Variants in FAT3 observed in about 807,000 individuals in gnomAD.
FAT3 encodes FAT atypical cadherin 3, also known as protocadherin Fat 3.
In FAT3, 95 loss-of-function variants were observed where a neutral mutation model predicts 310.2. The observed-to-expected ratio is 0.31, with a 90% CI of 0.26 to 0.36. The LOEUF (loss-of-function observed/expected upper bound fraction) is 0.36, where lower values mean the gene tolerates loss of function less well. Ranked by LOEUF, FAT3 falls within the 10% of genes least tolerant of loss-of-function variation. The pLI, the probability that FAT3 is intolerant of heterozygous loss-of-function variation, is 1.00. For synonymous variants in FAT3, 2,314 were observed against 2,192.9 expected, an observed-to-expected ratio of 1.06 and a Z score of -1.54; for missense variants, 5,408 against 5,715.6, an observed-to-expected ratio of 0.95 and a Z score of 1.74.
chr11:92,871,556 C>G (rs950116610), intron 22 of FAT3, among the ~76,000 whole-genome samples: 3 of 152,268 alleles, frequency 2.0e-5, no homozygotes, highest in African/African-American at 7.2e-5. Flanking sequence ...TAAGATGCAT[C>G]AGCATCACCT....
chr11:92,443,446 C>G (rs1474299833), intron 2 of FAT3, among the ~76,000 whole-genome samples: 1 of 152,160 alleles, frequency 6.6e-6, no homozygotes, highest in Non-Finnish European at 1.5e-5. Context: ...TGTTCAGGTT[C>G]TCCTGGATTC....
intron 24 of FAT3, among the ~76,000 whole-genome samples, chr11:92,884,782 G>A (rs971714058): frequency 6.6e-6 from 1 of 152,190 alleles, no homozygotes; most frequent in Non-Finnish European, 1.5e-5. Context: ...TTGTTCAGGT[G>A]AGAGGTCAAG....
At chr11:92,518,546 G>A (rs901266300) in intron 2 of FAT3, among the ~76,000 whole-genome samples, 2 of 151,966 alleles carry the variant, frequency 1.3e-5, no homozygotes, top group African/African-American at 4.8e-5. Flanking sequence ...AGCATTAGGT[G>A]AAATACCTAA....
intron 1 of FAT3, among the ~76,000 whole-genome samples, chr11:92,291,104 CACACACACACACAT>C (rs1356422092): frequency 6.6e-6 from 1 of 151,706 alleles, no homozygotes; most frequent in Non-Finnish European, 1.5e-5. Context: ...CACACACACA[CACACACACACACAT>C]GCACGCGCGC....
intron 6 of FAT3, among the ~76,000 whole-genome samples, chr11:92,772,511 C>T (rs1288291194): frequency 6.6e-6 from 1 of 152,028 alleles, no homozygotes; most frequent in African/African-American, 2.4e-5. Context: ...CTAGACTCCC[C>T]CCTCTCTCCT....
rs184893670 is a variant in FAT3 at position 92,618,156 on chromosome 11, G to A, written c.3608-79228G>A. Among the ~76,000 whole-genome samples the A allele has an allele frequency of 8.5e-5, 13 of 152,302 alleles. No individual in the cohort carries two copies. The East Asian group carries it at 2.5e-3, about 29-fold the overall frequency. On this transcript the variant is annotated intron_variant, in intron 3 of 27. Transcript: ENST00000525166. ...CCAGTTCGAGCTTCCCAGCCACTTT[G>A]TTTACCTACTCAAGCCTCAGCAATG...
intron 1 of FAT3, among the ~76,000 whole-genome samples, chr11:92,249,622 T>C (rs1319228762): frequency 2.0e-5 from 3 of 152,120 alleles, no homozygotes; most frequent in South Asian, 2.1e-4. Flanking sequence ...GAAAGACTGA[T>C]ACTCGTATCA....
In FAT3 at chr11:92,836,455, C is replaced by G. The variant is rs562143821; in HGVS notation, c.10087-111C>G. On this transcript the variant is annotated intron_variant, in intron 15 of 27. Transcript: ENST00000525166. ...GTCACTAACATTAGAGAGCAGAGCT[C>G]CCGAGAAAACTGTCACAGCTGCACC... The G allele has an allele frequency of 4.8e-6, 6 of 1,257,696 alleles. No homozygotes were observed. In the South Asian group the frequency reaches 1.0e-4, roughly 21 times the overall value. 77.9% of individuals were successfully genotyped at this position (1,257,696 alleles called of 1,614,324 possible). A position where few individuals can be genotyped will look rare whatever the true frequency, so the allele number is the denominator to read the frequency against.
At chr11:92,860,594 C>CCTTTTCTCA (rs1447717670) in intron 21 of FAT3, among the ~76,000 whole-genome samples, 125 of 152,206 alleles carry the variant, frequency 8.2e-4, no homozygotes, top group Non-Finnish European at 1.5e-3. Context: ...GCCTTTTCAC[C>CCTTTTCTCA]TGGAAATGGC....
intron 6 of FAT3, among the ~76,000 whole-genome samples, chr11:92,769,361 C>T (rs1314682178): frequency 6.6e-6 from 1 of 152,208 alleles, no homozygotes; most frequent in Non-Finnish European, 1.5e-5. Flanking sequence ...GTGAAGGGAA[C>T]ACAAATAACC....
At chr11:92,877,755 T>C (rs1236932045) in intron 22 of FAT3, among the ~76,000 whole-genome samples, 1 of 152,182 alleles carries the variant, frequency 6.6e-6, no homozygotes, top group Non-Finnish European at 1.5e-5. Context: ...AAAGAAATCA[T>C]CTCATTTGGA....
chr11:92,388,289 A>C (rs1949673376), intron 2 of FAT3, among the ~76,000 whole-genome samples: 1 of 151,442 alleles, frequency 6.6e-6, no homozygotes, highest in African/African-American at 2.4e-5. Context: ...CCTTTCCCTC[A>C]CTCCCTTACA....
At chr11:92,398,303 C>T (rs1455859653) in intron 2 of FAT3, among the ~76,000 whole-genome samples, 1 of 151,924 alleles carries the variant, frequency 6.6e-6, no homozygotes, top group African/African-American at 2.4e-5. Context: ...GAGTTCAAGA[C>T]CAGCCTGGCC....
chr11:92,594,632 CAG>C (rs556138426), intron 3 of FAT3, among the ~76,000 whole-genome samples: 69 of 152,214 alleles, frequency 4.5e-4, no homozygotes, highest in Middle Eastern at 6.8e-3. Context: ...GTGCTGGATA[CAG>C]GGGATACAAT....
At chr11:92,598,182 A>C (rs1045835618) in intron 3 of FAT3, among the ~76,000 whole-genome samples, 1 of 148,706 alleles carries the variant, frequency 6.7e-6, no homozygotes, top group Admixed American at 6.7e-5. Context: ...GATTTTAAAA[A>C]TTTATTTTCA....
intron 5 of FAT3, among the ~76,000 whole-genome samples, 188 bp downstream of exon 5, chr11:92,762,358 G>A (rs3912653): frequency 0.31 from 47,331 of 151,992 alleles, 7,657 homozygotes; most frequent in Non-Finnish European, 0.33. Context: ...CTTAAATGAC[G>A]AGACAATTTC....
chr11:92,588,849 C>T (rs1331571561), intron 3 of FAT3, among the ~76,000 whole-genome samples: 1 of 151,570 alleles, frequency 6.6e-6, no homozygotes, highest in Non-Finnish European at 1.5e-5. Context: ...AGCCTCCCTC[C>T]AACAGTTTGG....
At chr11:92,661,382 T>C (rs1312346763) in intron 3 of FAT3, among the ~76,000 whole-genome samples, 1 of 152,210 alleles carries the variant, frequency 6.6e-6, no homozygotes, top group East Asian at 1.9e-4. Flanking sequence ...ATGATATATC[T>C]AGAACTGCCC....
At chr11:92,642,644 C>T (rs1483412985) in intron 3 of FAT3, among the ~76,000 whole-genome samples, 3 of 152,200 alleles carry the variant, frequency 2.0e-5, no homozygotes, top group African/African-American at 7.2e-5. Context: ...TGCATTACTG[C>T]CCATTTGAGG....
Sources: allele counts gnomAD v4.1 joint callset (sites outside exome capture counted in the v4.1 genomes callset), GRCh38; gene constraint gnomAD v4.1.1; transcripts MANE v1.5; gene names NCBI Gene and HGNC (gene_info 2026-07-23, HGNC 2026-07-21).